Variants in ATP8B4 observed in about 807,000 individuals in gnomAD.
ATP8B4 encodes the protein probable phospholipid-transporting ATPase IM.
In ATP8B4, 133 loss-of-function variants were observed where a neutral mutation model predicts 145.6. The observed-to-expected ratio is 0.91, with a 90% CI of 0.79 to 1.05. ATP8B4 has a LOEUF of 1.05. ATP8B4 is among the 50% of genes least tolerant of loss of function. ATP8B4 has a pLI of 0.00. For synonymous variants in ATP8B4, 507 were observed against 492.9 expected (o/e 1.03, Z -0.38); for missense variants, 1,458 against 1,425.2 (o/e 1.02, Z -0.37).
At chr15:49,996,525 T>A in intron 9 of ATP8B4, 152 bp downstream of exon 9, 1 of 590,406 alleles carries the variant, frequency 1.7e-6, no homozygotes, top group South Asian at 2.6e-5. Context: ...TTTACTCTTT[T>A]TAGCGTGCGA....
At chr15:49,914,529 C>CT (rs2039541311) in intron 20 of ATP8B4, among the ~76,000 whole-genome samples, 1 of 152,002 alleles carries the variant, frequency 6.6e-6, no homozygotes, top group African/African-American at 2.4e-5. Context: ...AATCAACAGA[C>CT]TGAAGAGACA....
intron 23 of ATP8B4, among the ~76,000 whole-genome samples, chr15:49,891,951 T>TA (rs1324783112): frequency 6.6e-6 from 1 of 151,818 alleles, no homozygotes; most frequent in Non-Finnish European, 1.5e-5. Flanking sequence ...CTGTCTCTAC[T>TA]AAAAAAACAC....
chr15:50,025,332 G>A (rs2049925818), intron 6 of ATP8B4, among the ~76,000 whole-genome samples: 1 of 152,108 alleles, frequency 6.6e-6, no homozygotes, highest in Non-Finnish European at 1.5e-5. Flanking sequence ...TCTTAATGTA[G>A]CCTTGAAGGC....
intron 1 of ATP8B4, among the ~76,000 whole-genome samples, chr15:50,142,740 C>T (rs1426284800): frequency 1.3e-5 from 2 of 152,082 alleles, no homozygotes; most frequent in Non-Finnish European, 2.9e-5. Flanking sequence ...GGATACTTTC[C>T]AGGCACTGAA....
intron 20 of ATP8B4, among the ~76,000 whole-genome samples, chr15:49,901,586 ATCTG>A (rs1455276189): frequency 6.6e-6 from 1 of 152,218 alleles, no homozygotes; most frequent in African/African-American, 2.4e-5. Context: ...AAGAACCACT[ATCTG>A]GCAGGCATGC....
intron 6 of ATP8B4, among the ~76,000 whole-genome samples, chr15:50,013,307 C>A (rs1406039570): frequency 1.3e-5 from 2 of 152,074 alleles, no homozygotes; most frequent in Non-Finnish European, 2.9e-5. Context: ...TGCACCATAG[C>A]TCTTCTAGGG....
intron 12 of ATP8B4, among the ~76,000 whole-genome samples, chr15:49,975,308 A>G (rs1434285719): frequency 1.3e-5 from 2 of 152,116 alleles, no homozygotes; most frequent in African/African-American, 4.8e-5. Flanking sequence ...CCATAGTCTT[A>G]TAGATTTGTT....
chr15:49,968,913 CAACA>C (rs1567104183), intron 13 of ATP8B4, among the ~76,000 whole-genome samples: 1 of 152,106 alleles, frequency 6.6e-6, no homozygotes, highest in East Asian at 1.9e-4. Flanking sequence ...ATGGAAATCA[CAACA>C]AACAGTCTCT....
chr15:50,100,462 T>G (rs2056285039), intron 2 of ATP8B4, among the ~76,000 whole-genome samples: 2 of 152,258 alleles, frequency 1.3e-5, no homozygotes, highest in Non-Finnish European at 2.9e-5. Flanking sequence ...AATACATATA[T>G]TTTATTGAAT....
chr15:49,864,051 AT>A (rs1368593018), intron 26 of ATP8B4, among the ~76,000 whole-genome samples: 3 of 152,214 alleles, frequency 2.0e-5, no homozygotes, highest in Non-Finnish European at 4.4e-5. Context: ...TCTTAAAAAA[AT>A]AAAACAAAAA....
intron 1 of ATP8B4, among the ~76,000 whole-genome samples, chr15:50,150,525 C>T (rs539992883): frequency 1.2e-4 from 19 of 152,350 alleles, no homozygotes; most frequent in Non-Finnish European, 2.5e-4. Context: ...TGCTCATCTA[C>T]ACCCACATTT....
At position 50,001,533 on chromosome 15, in the gene ATP8B4, G is replaced by A. The variant is rs149579523; in HGVS notation, c.506+620C>T. ...CTTGATTTCATTGTCTGTACAATAG[G>A]GCATAATTACATAGCACCTACATCA... is the stretch of plus-strand genomic sequence containing the variant. On this transcript the variant is annotated intron_variant, in intron 8 of 27. Transcript: ENST00000284509. Among the ~76,000 whole-genome samples, 845 of 152,076 alleles carry A rather than the reference G, an allele frequency of 5.6e-3. 6 individuals are homozygous for A. Among genetic ancestry groups the A allele is most frequent in the African/African-American group, 0.019 (799 of 41,450 alleles).
chr15:50,074,780 T>C (rs2054070964), intron 2 of ATP8B4, among the ~76,000 whole-genome samples: 1 of 151,912 alleles, frequency 6.6e-6, no homozygotes, highest in Non-Finnish European at 1.5e-5. Context: ...AATAATAATA[T>C]AAAAAGGACA....
At chr15:50,109,883 T>C (rs2056857136) in intron 1 of ATP8B4, among the ~76,000 whole-genome samples, 1 of 152,206 alleles carries the variant, frequency 6.6e-6, no homozygotes, top group Non-Finnish European at 1.5e-5. Context: ...TATCTTATTT[T>C]AGATCTTCCT....
chr15:50,170,700 T>A lies in ATP8B4; in HGVS notation c.-43+11561A>T, dbSNP rs561799335. Among the ~76,000 whole-genome samples, 11 of 152,138 alleles carry A rather than the reference T, an allele frequency of 7.2e-5. No individual in the cohort carries two copies. The East Asian group carries it at 1.9e-3, about 27-fold the overall frequency. On this transcript the variant is annotated intron_variant, in intron 1 of 3. Transcript: ENST00000558829. ...AGAGCACAATAAATGCAATGGTATC[T>A]CACATTTCAATATTAACATTGAAGG...
intron 5 of ATP8B4, among the ~76,000 whole-genome samples, chr15:50,039,714 A>C (rs28421519): frequency 0.044 from 6,698 of 151,666 alleles, 522 homozygotes; most frequent in African/African-American, 0.16. Flanking sequence ...AATCATCAGA[A>C]TGTTTTCTTT....
intron 3 of ATP8B4, among the ~76,000 whole-genome samples, chr15:50,068,070 T>C (rs555803253): frequency 1.3e-5 from 2 of 152,286 alleles, no homozygotes; most frequent in African/African-American, 4.8e-5. Flanking sequence ...TATTATGATG[T>C]GGGCCTAAAG....
At chr15:49,994,484 T>A (rs762666679) in intron 9 of ATP8B4, among the ~76,000 whole-genome samples, 1 of 152,148 alleles carries the variant, frequency 6.6e-6, no homozygotes, top group Non-Finnish European at 1.5e-5. Flanking sequence ...TAGACGTTGT[T>A]CTAGAAGCTT....
intron 6 of ATP8B4, among the ~76,000 whole-genome samples, chr15:50,027,266 CT>C (rs1327914429): frequency 6.6e-6 from 1 of 152,200 alleles, no homozygotes; most frequent in African/African-American, 2.4e-5. Flanking sequence ...ATCTCTTCCC[CT>C]AGACCCCAGA....
Sources: gnomAD v4.1 joint callset for allele counts (sites outside exome capture counted in the v4.1 genomes callset) on GRCh38, gnomAD v4.1.1 for gene constraint, MANE v1.5 for transcripts, NCBI Gene and HGNC (gene_info 2026-07-23, HGNC 2026-07-21) for gene names.